LPCAT4: variants seen among roughly 807,000 people sequenced by gnomAD.
The protein encoded by LPCAT4 is lysophosphatidylcholine acyltransferase 4, also known as lysophospholipid acyltransferase LPCAT4.
A neutral mutation model predicts 66.5 loss-of-function variants in LPCAT4; 30 were observed. That is an observed-to-expected ratio of 0.45 (90% CI 0.34 to 0.61). The LOEUF is 0.61. Among genes scored for constraint, LPCAT4 ranks in the 20% least tolerant of loss-of-function variants. LPCAT4 has a pLI of 0.01. For missense variants in LPCAT4, 557 were observed against 656.7 expected (o/e 0.85, Z 1.66); for synonymous variants, 253 against 262.1 (o/e 0.97, Z 0.34).
Position 34,359,454 on chromosome 15 carries a change from C to G in LPCAT4, c.1399+135G>C, listed in dbSNP as rs75985475. On this transcript the variant is annotated intron_variant, in intron 13 of 13. Coordinates refer to ENST00000314891, the MANE Select transcript of LPCAT4 (RefSeq NM_153613.3). The stretch of plus-strand genomic sequence containing the variant: ...GTCCTCTCTTCCTTTCTAGCCTGTT[C>G]CTCCCAGCCTTACTTCTCATAGGTT... The G allele has an allele frequency of 2.6e-3, 3,444 of 1,339,090 alleles. 79 individuals are homozygous for G. In the African/African-American group the frequency reaches 0.044, roughly 17 times the overall value. 83.0% of individuals were successfully genotyped at this position (1,339,090 alleles called of 1,614,324 possible).
intron 3 of LPCAT4, 103 bp downstream of exon 3, chr15:34,364,905 C>G: frequency 1.1e-6 from 1 of 911,096 alleles, no homozygotes. Context: ...TGCCAACAGT[C>G]CCTCCCCACT....
intron 1 of LPCAT4, 82 bp from the exon 2 acceptor site, chr15:34,365,783 C>A: frequency 1.3e-6 from 2 of 1,484,080 alleles, no homozygotes; most frequent in East Asian, 2.4e-5. Flanking sequence ...AGCATAGACC[C>A]AGGAGCAGAC....
At position 34,359,009 on chromosome 15, in the gene LPCAT4, T is replaced by TAAA. The variant is rs201560543; in HGVS notation, c.*115_*117dup. On this transcript the variant is annotated 3_prime_UTR_variant, in exon 14 of 14. Coordinates refer to ENST00000314891, the MANE Select transcript of LPCAT4 (RefSeq NM_153613.3). ...ACCAAACAAAAAATTAAAATCAACT[T>TAAA]AAAAAAACAACAACCAAACAACAAT... The TAAA allele has an allele frequency of 2.7e-3, 2,256 of 826,360 alleles. 36 individuals are homozygous for TAAA. In the African/African-American group the frequency reaches 0.036, roughly 13 times the overall value. The allele number at this position is 826,360 out of a possible 1,614,324, so 51.2% of individuals were successfully genotyped here.
At position 34,359,274 on chromosome 15, in the gene LPCAT4, G is replaced by A. The variant is rs372209236; in HGVS notation, c.1428C>T (p.Asp476=). ...LCQFQNFSLH[D]PLYGKLFSTY... is the part of the protein sequence containing the mutation. ...TGCTGAAGAGTTTCCCATAGAGTGG[G>A]TCATGGAGGGAGAAGTTCTGGAACT... Residue 476 remains aspartate (D), a synonymous_variant, in exon 14 of 14, where the codon GAC becomes GAT. Transcript: ENST00000314891. 61 of 1,544,800 alleles carry A rather than the reference G, an allele frequency of 3.9e-5. No homozygotes were observed. In the African/African-American group the frequency reaches 8.2e-4, roughly 21 times the overall value.
At position 34,363,305 on chromosome 15, in the gene LPCAT4, C is replaced by T; in HGVS notation, c.746+117G>A. ...GGAAAGTGGTGTCTCCTCTAGAGTT[C>T]TCTCAGTCCTCAGATGAAGAAGGGC... On this transcript the variant is annotated intron_variant, in intron 7 of 13. Transcript: ENST00000314891. This position sits in a 1 kb window ranked among gnomAD's most constrained non-coding sequence, Gnocchi z 4.3. The T allele has an allele frequency of 4.5e-6, 5 of 1,117,924 alleles. No individual in the cohort carries two copies. The highest frequency in any genetic ancestry group is 2.4e-4 in the Middle Eastern group (1 of 4,098). The allele number at this position is 1,117,924 out of a possible 1,614,324, so 69.3% of individuals were successfully genotyped here.
rs754508074 is a variant in LPCAT4, at chr15:34,359,141, G to T, written c.1561C>A (p.Gln521Lys). 5 of 1,603,902 alleles carry T rather than the reference G, an allele frequency of 3.1e-6. No homozygotes were observed. The highest frequency in any genetic ancestry group is 4.3e-6 in the Non-Finnish European group (5 of 1,176,078). Residue 521 changes from glutamine to lysine, a missense_variant, in exon 14 of 14, where the codon CAG (glutamine) becomes AAG (lysine). Physicochemically the swap from Gln to Lys is moderately conservative, Grantham distance 53. This residue lies in a region of LPCAT4 where 392 missense variants were observed against 473.9 expected (regional missense o/e 0.83). Transcript: ENST00000314891. ...LANGTVQAPK[Q>K]KGD ...GGCTGAGGCACTCAGTCTCCCTTCTGCTTGGGTGCTTGCACAGTCCCATTG... is the reference window on the plus strand; with the variant it reads ...GGCTGAGGCACTCAGTCTCCCTTCTTCTTGGGTGCTTGCACAGTCCCATTG...
rs75114234 is a variant in LPCAT4, at chr15:34,363,285, G to C, written c.746+137C>G. The C allele has an allele frequency of 5.2e-3, 4,617 of 892,606 alleles. 135 individuals carry two copies. The African/African-American group carries it at 0.067, about 13-fold the overall frequency. 55.3% of individuals were successfully genotyped at this position (892,606 alleles called of 1,614,324 possible). A position where few individuals can be genotyped will look rare whatever the true frequency, so the allele number is the denominator to read the frequency against. On this transcript the variant is annotated intron_variant, in intron 7 of 13. Transcript: ENST00000314891. The surrounding 1 kb of genome is among the most constrained non-coding windows in gnomAD (Gnocchi z 4.3). ...ATTATATGGGGACATCAGGGGGAAAGTGGTGTCTCCTCTAGAGTTCTCTCA... is the reference window on the plus strand; with the variant it reads ...ATTATATGGGGACATCAGGGGGAAACTGGTGTCTCCTCTAGAGTTCTCTCA...
In LPCAT4 at chr15:34,363,359, G is replaced by T. The variant is rs1890994737; in HGVS notation, c.746+63C>A. 6.4e-7 allele frequency: 1 copy of T among 1,552,660 alleles called. No homozygotes were observed. Among genetic ancestry groups the T allele is most frequent in the Non-Finnish European group, 8.8e-7 (1 of 1,137,302 alleles). On this transcript the variant is annotated intron_variant, in intron 7 of 13. Transcript: ENST00000314891. This position sits in a 1 kb window ranked among gnomAD's most constrained non-coding sequence, Gnocchi z 4.3. ...TCACCTTGTCGGGAGATTGGAAGAT[G>T]GGCCAGGAATTCTCTGATGGACCCT...
At chr15:34,364,559 G>A (rs1891028193) in intron 3 of LPCAT4, 1 of 334,672 alleles carries the variant, frequency 3.0e-6, no homozygotes, top group East Asian at 5.4e-5. Context: ...GAGTAGCTGG[G>A]ATTACAAGCA....
At chr15:34,364,606 T>TTTTA (rs1555395815) in intron 3 of LPCAT4, 16 of 249,828 alleles carry the variant, frequency 6.4e-5, no homozygotes, top group Non-Finnish European at 1.1e-4. Context: ...TTTTTTTTTT[T>TTTTA]ACGCCCGGCT....
chr15:34,364,794 C>A, intron 3 of LPCAT4: 1 of 551,666 alleles, frequency 1.8e-6, no homozygotes, highest in East Asian at 2.9e-5. Context: ...TAGTAGTTGT[C>A]CTTTTAGAGA....
intron 11 of LPCAT4, chr15:34,361,066 T>G (rs967644802): frequency 1.3e-5 from 6 of 463,822 alleles, no homozygotes; most frequent in African/African-American, 2.1e-5. Context: ...CACGTAACCT[T>G]CATGACTCTC....
At position 34,359,599 on chromosome 15, in the gene LPCAT4, G is replaced by A. The variant is rs1890892666; in HGVS notation, c.1389C>T (p.Gly463=). The part of the protein sequence containing the change: ...AELCQAGSSQ[G]LSLCQFQNFS... ...AAGGCAGTGACTCACAGAGGGAGAG[G>A]CCTTGGCTGGATCCTGCCTGGCACA... The change falls in exon 13 of 14, where the codon GGC becomes GGT. Residue 463 remains glycine, a synonymous_variant. Transcript: ENST00000314891. 14 of 1,612,380 alleles carry A rather than the reference G, an allele frequency of 8.7e-6. No homozygotes were observed. Among genetic ancestry groups the A allele is most frequent in the Non-Finnish European group, 1.1e-5 (13 of 1,179,898 alleles).
intron 9 of LPCAT4, 110 bp downstream of exon 9, chr15:34,362,463 T>G (rs958242946): frequency 1.4e-6 from 2 of 1,401,228 alleles, no homozygotes; most frequent in Non-Finnish European, 9.8e-7. Flanking sequence ...TCAAGAGCCC[T>G]TCCCACTGCC....
chr15:34,367,139 C>T lies in LPCAT4; in HGVS notation c.-39G>A, dbSNP rs1204040394. ...GGGAGGGAGGGCACCCCGGCCCTGGCCCCGGCCACCACTCTGCAGAGCAGC... is the reference window on the plus strand; with the variant it reads ...GGGAGGGAGGGCACCCCGGCCCTGGTCCCGGCCACCACTCTGCAGAGCAGC... On this transcript the variant is annotated 5_prime_UTR_variant, in exon 1 of 14. Coordinates refer to ENST00000314891, the MANE Select transcript of LPCAT4 (RefSeq NM_153613.3). 2.0e-6 allele frequency: 3 copies of T among 1,493,408 alleles called. No homozygotes were observed. Among genetic ancestry groups the T allele is most frequent in the Non-Finnish European group, 2.7e-6 (3 of 1,118,688 alleles). The allele number at this position is 1,493,408 out of a possible 1,614,324, so 92.5% of individuals were successfully genotyped here. A position where few individuals can be genotyped will look rare whatever the true frequency, so the allele number is the denominator to read the frequency against.
chr15:34,367,107 A>G lies in LPCAT4; in HGVS notation c.-7T>C, dbSNP rs936224749. On this transcript the variant is annotated 5_prime_UTR_variant, in exon 1 of 14. Coordinates refer to ENST00000314891, the MANE Select transcript of LPCAT4 (RefSeq NM_153613.3). ...CCGGACTTCCCTGGCTCATGGCGGG[A>G]GAAGGTGGGAGGGAGGGCACCCCGG... is the stretch of plus-strand genomic sequence containing the variant. The G allele has an allele frequency of 6.5e-7, 1 of 1,537,126 alleles. No individual in the cohort carries two copies. Among genetic ancestry groups the G allele is most frequent in the Non-Finnish European group, 8.8e-7 (1 of 1,140,648 alleles).
At chr15:34,362,428 A>C (rs79502240) in intron 9 of LPCAT4, 107 bp from the exon 10 acceptor site, 1 of 1,474,982 alleles carries the variant, frequency 6.8e-7, no homozygotes, top group Non-Finnish European at 9.3e-7. Context: ...GCCCCTTTAA[A>C]TCTCCCTGCC....
At chr15:34,362,460 C>T in intron 9 of LPCAT4, 113 bp downstream of exon 9, 1 of 1,398,290 alleles carries the variant, frequency 7.2e-7, no homozygotes. Context: ...TGTTCAAGAG[C>T]CCTTCCCACT....
intron 1 of LPCAT4, 195 bp downstream of exon 1, chr15:34,366,792 C>A: frequency 1.5e-6 from 1 of 679,708 alleles, no homozygotes; most frequent in Non-Finnish European, 2.5e-6. Flanking sequence ...GTCTATCGCC[C>A]AAGCCCGCAG....
Sources: gnomAD v4.1 joint callset for allele counts on GRCh38, gnomAD v4.1.1 for gene constraint, gnomAD v4.1.1 regional missense constraint, Gnocchi (gnomAD v3.1) non-coding constraint, MANE v1.5 for transcripts, NCBI Gene and HGNC (gene_info 2026-07-23, HGNC 2026-07-21) for gene names.